Variants in TNRC6B observed in about 807,000 individuals in gnomAD.
TNRC6B encodes trinucleotide repeat-containing gene 6B protein.
A neutral mutation model predicts 203.6 loss-of-function variants in TNRC6B; 52 were observed. That is an observed-to-expected ratio of 0.26 (90% confidence interval 0.20 to 0.32). The LOEUF (loss-of-function observed/expected upper bound fraction) is 0.32. Ranked by LOEUF, TNRC6B falls within the 10% of genes least tolerant of loss-of-function variation. TNRC6B has a pLI of 1.00. For synonymous variants in TNRC6B, 838 were observed against 845.7 expected, an observed-to-expected ratio of 0.99 and a Z score of 0.16; for missense variants, 1,923 against 2,286.2, an observed-to-expected ratio of 0.84 and a Z score of 3.24.
intron 1 of TNRC6B, among the ~76,000 whole-genome samples, chr22:40,210,653 A>T (rs1246798662): frequency 6.6e-6 from 1 of 152,238 alleles, no homozygotes; most frequent in Non-Finnish European, 1.5e-5. Context: ...AGACGGTGTT[A>T]GGGCTTAAAT....
chr22:40,068,630 C>G (rs1224226553), intron 1 of TNRC6B, among the ~76,000 whole-genome samples: 1 of 151,652 alleles, frequency 6.6e-6, no homozygotes, highest in Non-Finnish European at 1.5e-5. Flanking sequence ...TTGGTTTGTT[C>G]TTTATCTGGA....
Position 40,227,906 on chromosome 22 carries a change from T to C in TNRC6B, c.6-18109T>C, listed in dbSNP as rs2069813821. ...CTGAATAATATGTGCCTCAGAGCTG[T>C]GGATTCTGGTTGATAAACTTATTTT... On this transcript the variant is annotated intron_variant, in intron 1 of 22. Transcript: ENST00000454349. Among the ~76,000 whole-genome samples the C allele has an allele frequency of 2.6e-5, 4 of 152,210 alleles. No individual in the cohort carries two copies. The South Asian group carries it at 8.3e-4, about 31-fold the overall frequency.
At chr22:40,154,300 A>G (rs913531636) in intron 3 of TNRC6B, among the ~76,000 whole-genome samples, 4 of 151,588 alleles carry the variant, frequency 2.6e-5, no homozygotes, top group African/African-American at 4.8e-5. Flanking sequence ...TGTCTCTACT[A>G]AAAAAATACA....
intron 3 of TNRC6B, among the ~76,000 whole-genome samples, chr22:40,129,712 G>T (rs1309172085): frequency 2.0e-5 from 3 of 152,138 alleles, no homozygotes; most frequent in Non-Finnish European, 4.4e-5. Context: ...TCTGATAGGG[G>T]TGCAATTGTT....
At chr22:40,200,500 C>T (rs936288607) in intron 1 of TNRC6B, among the ~76,000 whole-genome samples, 1 of 151,374 alleles carries the variant, frequency 6.6e-6, no homozygotes, top group African/African-American at 2.4e-5. Context: ...GTTAGCCAGG[C>T]TGGTCTCTAA....
At chr22:40,290,304 G>A (rs903844928) in intron 12 of TNRC6B, among the ~76,000 whole-genome samples, 10 of 152,224 alleles carry the variant, frequency 6.6e-5, no homozygotes, top group Admixed American at 4.6e-4. Context: ...AGAACGTGTC[G>A]GCGTTGCAGG....
intron 1 of TNRC6B, among the ~76,000 whole-genome samples, chr22:40,047,496 A>G (rs372731482): frequency 1.8e-3 from 268 of 146,882 alleles, no homozygotes; most frequent in African/African-American, 6.9e-3. Context: ...CCAGCTACTT[A>G]GGAAACCGAG....
chr22:40,158,338 TTCAATAAA>T (rs2068836637), intron 4 of TNRC6B, among the ~76,000 whole-genome samples: 2 of 127,806 alleles, frequency 1.6e-5, no homozygotes, highest in Admixed American at 8.9e-5. Flanking sequence ...AAACTCCATC[TTCAATAAA>T]TAAATAAATA....
chr22:40,189,477 G>T (rs1187883488), intron 1 of TNRC6B, among the ~76,000 whole-genome samples: 2 of 145,746 alleles, frequency 1.4e-5, no homozygotes, highest in African/African-American at 5.2e-5. Context: ...GTTTGTTGGG[G>T]TACTAATAGA....
intron 4 of TNRC6B, among the ~76,000 whole-genome samples, chr22:40,161,489 GT>G (rs1201467507): frequency 6.6e-6 from 1 of 151,930 alleles, no homozygotes; most frequent in African/African-American, 2.4e-5. Context: ...CCCATTTAAC[GT>G]TTTGACCATA....
chr22:40,113,397 C>T (rs2068358252), intron 1 of TNRC6B, among the ~76,000 whole-genome samples: 1 of 152,170 alleles, frequency 6.6e-6, no homozygotes, highest in Non-Finnish European at 1.5e-5. Flanking sequence ...CTCTGTTGCC[C>T]AGACTGGAGT....
At position 40,281,105 on chromosome 22, in the gene TNRC6B, C is replaced by T; in HGVS notation, c.3412-14C>T. ...AACACTCGTTGTGATTGGCTAACTC[C>T]TACTACTTTTCAGCTGACTTTGCCT... On this transcript the variant is annotated splice_polypyrimidine_tract_variant and intron_variant, in intron 10 of 22. Transcript: ENST00000454349. 6.5e-7 allele frequency: 1 copy of T among 1,544,038 alleles called. No homozygotes were observed. The highest frequency in any genetic ancestry group is 8.7e-7 in the Non-Finnish European group (1 of 1,143,266).
chr22:40,085,406 A>G (rs927736583), intron 1 of TNRC6B, among the ~76,000 whole-genome samples: 54 of 152,254 alleles, frequency 3.5e-4, no homozygotes, highest in African/African-American at 1.2e-3. Context: ...ATCCAAAAAA[A>G]GGGACCAACA....
rs543298993 is a variant in TNRC6B, at chr22:40,125,877, G to A, written c.45+15G>A. The stretch of plus-strand genomic sequence containing the variant: ...GCAGTTCCAAGGTCAGTAAATTACT[G>A]AAAGGTACAGTTTGGGTAGAAATTG... On this transcript the variant is annotated intron_variant, in intron 3 of 23. Transcript: ENST00000301923. The A allele has an allele frequency of 1.5e-4, 234 of 1,610,178 alleles. 1 individual carries two copies. The South Asian group carries it at 2.2e-3, about 15-fold the overall frequency.
At chr22:40,251,278 A>C in intron 3 of TNRC6B, 78 bp downstream of exon 3, 1 of 1,168,322 alleles carries the variant, frequency 8.6e-7, no homozygotes, top group Non-Finnish European at 1.2e-6. Flanking sequence ...CTCAGCCTCC[A>C]ATCCACTGAA....
chr22:40,201,447 T>C (rs1474043585), intron 1 of TNRC6B, among the ~76,000 whole-genome samples: 1 of 151,814 alleles, frequency 6.6e-6, no homozygotes, highest in African/African-American at 2.4e-5. Context: ...TTTTTTGTTT[T>C]TTTTTTGAGA....
chr22:40,090,416 A>T lies in TNRC6B; in HGVS notation c.-120-26639A>T, dbSNP rs563026865. Among the ~76,000 whole-genome samples the T allele has an allele frequency of 6.3e-4, 93 of 147,378 alleles. 1 individual carries two copies. Among genetic ancestry groups the T allele is most frequent in the South Asian group, 4.3e-3 (20 of 4,678 alleles). ...GCATCTCATTGTTTTTTTTTTTTTT[A>T]AATTTGTAGTTCCCTAATGACATAT... On this transcript the variant is annotated intron_variant, in intron 1 of 23. Transcript: ENST00000301923.
chr22:40,051,932 G>A (rs1418856999), intron 1 of TNRC6B, among the ~76,000 whole-genome samples: 3 of 151,722 alleles, frequency 2.0e-5, no homozygotes, highest in Non-Finnish European at 1.5e-5. Flanking sequence ...TGTATTTTTC[G>A]CTCATAGACA....
intron 22 of TNRC6B, chr22:40,321,813 G>A (rs188380224): frequency 3.3e-5 from 5 of 152,610 alleles, no homozygotes; most frequent in Non-Finnish European, 2.9e-5. Flanking sequence ...ACAGCTAATA[G>A]AATTGCCATT....
Sources: gnomAD v4.1 joint callset for allele counts (sites outside exome capture counted in the v4.1 genomes callset) on GRCh38, gnomAD v4.1.1 for gene constraint, MANE v1.5 for transcripts, NCBI Gene and HGNC (gene_info 2026-07-23, HGNC 2026-07-21) for gene names.